Variants in CELF2 observed in about 807,000 individuals in gnomAD.
CELF2 encodes the protein CUG triplet repeat RNA-binding protein 2.
Under a neutral mutation model 62.6 loss-of-function variants are expected in CELF2, and 8 were observed. The observed-to-expected ratio is 0.13, with a 90% CI of 0.07 to 0.23. The LOEUF is 0.23. CELF2 is among the 10% of genes least tolerant of loss of function. The probability of loss-of-function intolerance (pLI) is 1.00; values close to 1 mark genes in which losing one functional copy is unlikely to be tolerated. For missense variants in CELF2, 333 were observed against 671.0 expected (o/e 0.50, Z 5.56); for synonymous variants, 258 against 250.0 (o/e 1.03, Z -0.30).
chr10:11,054,933 T>C (rs1432070406), intron 1 of CELF2, among the ~76,000 whole-genome samples: 1 of 152,246 alleles, frequency 6.6e-6, no homozygotes, highest in Non-Finnish European at 1.5e-5. Context: ...CAGACTGGTC[T>C]TGAACTCCTG....
At chr10:11,131,520 A>T (rs1214626847) in intron 1 of CELF2, among the ~76,000 whole-genome samples, 1 of 152,240 alleles carries the variant, frequency 6.6e-6, no homozygotes, top group Non-Finnish European at 1.5e-5. Context: ...GTAAGGTCCA[A>T]AGACACTAAA....
intron 1 of CELF2, among the ~76,000 whole-genome samples, chr10:10,897,456 G>T (rs1412176943): frequency 6.6e-6 from 1 of 151,436 alleles, no homozygotes; most frequent in Non-Finnish European, 1.5e-5. Flanking sequence ...AATGAGAGAG[G>T]AAAGAAAAAA....
chr10:11,076,486 TC>T (rs2071982489), intron 1 of CELF2, among the ~76,000 whole-genome samples: 1 of 152,150 alleles, frequency 6.6e-6, no homozygotes, highest in South Asian at 2.1e-4. Context: ...CAGACCCAGA[TC>T]CAGGGCTACT....
rs151218790 is a variant in CELF2 at position 11,191,962 on chromosome 10, C to G, written c.272-25463C>G. On this transcript the variant is annotated intron_variant, in intron 2 of 12. Transcript: ENST00000633077. This position sits in a 1 kb window ranked among gnomAD's most constrained non-coding sequence, Gnocchi z 4.1. ...TGGCAACCCCAGGGAATTTTCCTGA[C>G]AAGTCAGTGTCATTTTATGGGTTAT... Among the ~76,000 whole-genome samples the G allele has an allele frequency of 6.6e-6, 1 of 152,160 alleles. No homozygotes were observed. The highest frequency in any genetic ancestry group is 2.4e-5 in the African/African-American group (1 of 41,426).
chr10:11,264,790 G>A (rs568919445), intron 5 of CELF2, among the ~76,000 whole-genome samples: 255 of 152,326 alleles, frequency 1.7e-3, no homozygotes, highest in African/African-American at 5.9e-3. Context: ...GCTACAGTCA[G>A]TCTTAGTACA....
chr10:10,625,109 C>T, the CELF2 span, among the ~76,000 whole-genome samples: 1 of 152,098 alleles, frequency 6.6e-6, no homozygotes, highest in Non-Finnish European at 1.5e-5. Flanking sequence ...TAAAGTTCTC[C>T]CTGACTCGTT....
chr10:10,705,204 A>G, the CELF2 span, among the ~76,000 whole-genome samples: 1 of 151,992 alleles, frequency 6.6e-6, no homozygotes, highest in Non-Finnish European at 1.5e-5. Context: ...AAAATAAGGA[A>G]TTTTCTTCCC....
intron 1 of CELF2, among the ~76,000 whole-genome samples, chr10:10,847,993 T>C (rs1031504350): frequency 6.6e-6 from 1 of 152,080 alleles, no homozygotes; most frequent in East Asian, 1.9e-4. Flanking sequence ...TAGAAGATGG[T>C]CTCCCTTCTC....
At chr10:11,116,045 T>C (rs1030028087) in intron 1 of CELF2, among the ~76,000 whole-genome samples, 6 of 152,154 alleles carry the variant, frequency 3.9e-5, no homozygotes, top group African/African-American at 1.4e-4. Flanking sequence ...TGCAGGAAAA[T>C]AGCAAACAGT....
intron 2 of CELF2, among the ~76,000 whole-genome samples, chr10:11,179,738 T>G (rs1265456070): frequency 1.4e-5 from 2 of 147,698 alleles, no homozygotes; most frequent in African/African-American, 2.7e-5. Flanking sequence ...CCTGTGACAG[T>G]CTTCTTTTCT....
chr10:11,156,677 T>C lies in CELF2; in HGVS notation c.75-8809T>C, dbSNP rs2064481474. Among the ~76,000 whole-genome samples the C allele has an allele frequency of 6.6e-6, 1 of 152,344 alleles. No homozygotes were observed. Among genetic ancestry groups the C allele is most frequent in the Admixed American group, 6.5e-5 (1 of 15,308 alleles). The stretch of plus-strand genomic sequence containing the variant: ...ATTAAGTGAATGAATGAGACATCCC[T>C]GTCTTCAGGATGTCACACTTCCACC... On this transcript the variant is annotated intron_variant, in intron 1 of 12. Transcript: ENST00000633077. The surrounding 1 kb of genome is among the most constrained non-coding windows in gnomAD (Gnocchi z 4.3).
intron 2 of CELF2, among the ~76,000 whole-genome samples, chr10:10,985,251 C>T (rs939957344): frequency 4.6e-5 from 7 of 151,752 alleles, no homozygotes; most frequent in Non-Finnish European, 1.0e-4. Flanking sequence ...ATTTTGAAAA[C>T]TTATTCTTAA....
intron 1 of CELF2, among the ~76,000 whole-genome samples, chr10:11,139,909 T>C (rs1237311787): frequency 6.6e-6 from 1 of 151,956 alleles, no homozygotes; most frequent in African/African-American, 2.4e-5. Context: ...TCTGCCTCTC[T>C]CATCGGCTCA....
chr10:10,475,768 G>T, the CELF2 span, among the ~76,000 whole-genome samples: 16 of 152,174 alleles, frequency 1.1e-4, no homozygotes, highest in South Asian at 2.7e-3. Flanking sequence ...ATGCATAAAA[G>T]ACTTAACTTT....
the CELF2 span, among the ~76,000 whole-genome samples, chr10:10,666,498 G>A: frequency 1.3e-5 from 2 of 152,286 alleles, no homozygotes; most frequent in East Asian, 3.9e-4. Flanking sequence ...AAACAAGGAA[G>A]GAGAGAAGGC....
At chr10:10,518,062 C>T in the CELF2 span, among the ~76,000 whole-genome samples, 1 of 152,166 alleles carries the variant, frequency 6.6e-6, no homozygotes, top group Non-Finnish European at 1.5e-5. Context: ...GCTGTCTGAA[C>T]GTCTCATTCA....
the CELF2 span, among the ~76,000 whole-genome samples, chr10:10,505,346 T>A: frequency 2.0e-5 from 3 of 152,110 alleles, no homozygotes; most frequent in African/African-American, 7.2e-5. Context: ...GCTTTCTGCA[T>A]CCTCAGGTAA....
chr10:10,681,039 G>T, the CELF2 span, among the ~76,000 whole-genome samples: 1 of 152,010 alleles, frequency 6.6e-6, no homozygotes, highest in Non-Finnish European at 1.5e-5. Context: ...TCTCTCAAGG[G>T]TTTTTATTTA....
At chr10:11,197,711 T>C (rs1458968321) in intron 2 of CELF2, among the ~76,000 whole-genome samples, 1 of 152,244 alleles carries the variant, frequency 6.6e-6, no homozygotes, top group Non-Finnish European at 1.5e-5. Flanking sequence ...GGAGAAACTC[T>C]TCCATCTTTA....
Sources: allele counts gnomAD v4.1 joint callset (sites outside exome capture counted in the v4.1 genomes callset), GRCh38; gene constraint gnomAD v4.1.1; non-coding constraint Gnocchi (gnomAD v3.1); transcripts MANE v1.5; gene names NCBI Gene and HGNC (gene_info 2026-07-23, HGNC 2026-07-21).